Variants in ASB8 observed in about 807,000 individuals in gnomAD.
ASB8 encodes ankyrin repeat and SOCS box containing 8.
Under a neutral mutation model 22.9 loss-of-function variants are expected in ASB8, and 15 were observed. The observed-to-expected ratio is 0.66, with a 90% confidence interval of 0.44 to 1.01. The LOEUF (loss-of-function observed/expected upper bound fraction) is 1.01, where lower values mean the gene tolerates loss of function less well. Among genes scored for constraint, ASB8 ranks in the 50% least tolerant of loss-of-function variants. The probability of loss-of-function intolerance (pLI) is 0.00; values close to 1 mark genes in which losing one functional copy is unlikely to be tolerated. For missense variants in ASB8, 294 were observed against 356.9 expected (o/e 0.82, Z 1.42); for synonymous variants, 124 against 140.8 (o/e 0.88, Z 0.84).
Position 48,153,395 on chromosome 12 carries a change from A to G in ASB8, c.102T>C (p.His34=). 6 of 1,614,014 alleles carry G rather than the reference A, an allele frequency of 3.7e-6. No homozygotes were observed. The highest frequency in any genetic ancestry group is 5.1e-6 in the Non-Finnish European group (6 of 1,179,894). ...RTIAAIRSFP[H]DNVEDLIRGG... ...CTCTGATGAGGTCCTCTACATTATC[A>G]TGTGGGAAGGAACGGATGGCAGCAA... The change falls in exon 2 of 4, where the codon CAT becomes CAC. Residue 34 remains histidine, a synonymous_variant. Coordinates refer to ENST00000317697, the MANE Select transcript of ASB8 (RefSeq NM_024095.5).
chr12:48,150,037 T>C (rs759065850), intron 3 of ASB8, 39 bp from the exon 4 acceptor site: 9 of 1,586,546 alleles, frequency 5.7e-6, no homozygotes, highest in Admixed American at 1.7e-5. Flanking sequence ...GACAGACTAC[T>C]GAGAGGAAGA....
rs780385354 is a variant in ASB8 at position 48,149,515 on chromosome 12, G to GT, written c.717dup (p.Leu240ThrfsTer22). 6.2e-7 allele frequency: 1 copy of GT among 1,614,104 alleles called. No individual in the cohort carries two copies. The highest frequency in any genetic ancestry group is 1.3e-5 in the African/African-American group (1 of 74,932). On this transcript the variant is annotated frameshift_variant, in exon 4 of 4. Transcript: ENST00000317697. LOFTEE classifies it high-confidence loss of function. ...CCTGGAGCTGAGCACAGAACAGTCA[G>GT]TTTTTCACATAGCTGCGGGTCTCTG...
At position 48,149,664 on chromosome 12, in the gene ASB8, C is replaced by A. The variant is rs140837255; in HGVS notation, c.569G>T (p.Arg190Leu). 1.2e-6 allele frequency: 2 copies of A among 1,614,100 alleles called. No individual in the cohort carries two copies. The highest frequency in any genetic ancestry group is 2.7e-5 in the African/African-American group (2 of 75,038). The part of the protein sequence containing the change: ...INLIGQTPIS[R>L]LVALLVRGLG... ...TCCCCTGACTAGCAGAGCCACCAGG[C>A]GGGAGATGGGTGTCTGGCCTATTAG... The change falls in exon 4 of 4, where the codon CGC (arginine) becomes CTC (leucine). Residue 190 changes from arginine to leucine, a missense_variant. Coordinates refer to ENST00000317697, the MANE Select transcript of ASB8 (RefSeq NM_024095.5).
In ASB8 at chr12:48,153,440, GGA is replaced by G; in HGVS notation, c.55_56del (p.Ser19ArgfsTer16). Reference protein sequence around the residue: ...MQSIQSKYSLSERLIRTIAAI... With the variant: ...MQSIQSKYSLXERLIRTIAAI... ...CAGCAATTGTTCGGATTAAGCGCTC[GGA>G]GAGAGAGTATTTGCTCTGAATGCTC... On this transcript the variant is annotated frameshift_variant, in exon 2 of 4. Transcript: ENST00000317697. LOFTEE classifies it high-confidence loss of function. 6.2e-7 allele frequency: 1 copy of G among 1,613,532 alleles called. No individual in the cohort carries two copies. The highest frequency in any genetic ancestry group is 1.7e-5 in the Admixed American group (1 of 60,028).
rs138484381 is a variant in ASB8, at chr12:48,148,226, C to A, written c.*1140G>T. 2.0e-5 allele frequency: 3 copies of A among 152,340 alleles called. No individual in the cohort carries two copies. In the East Asian group the frequency reaches 5.8e-4, roughly 29 times the overall value. The allele number at this position is 152,340 out of a possible 1,614,324, so 9.4% of individuals were successfully genotyped here. ...ATGAAGACCCATGGGAAAAGGCAGC[C>A]CAGCCCATAACTCCTCCCTGCTGGA... On this transcript the variant is annotated 3_prime_UTR_variant, in exon 4 of 4. Coordinates refer to ENST00000317697, the MANE Select transcript of ASB8 (RefSeq NM_024095.5).
chr12:48,153,341 C>A (rs901720108), intron 2 of ASB8, 27 bp downstream of exon 2: 1 of 1,612,514 alleles, frequency 6.2e-7, no homozygotes, highest in African/African-American at 1.3e-5. Flanking sequence ...ATCGCAAGGA[C>A]TCTCCTGTCA....
intron 1 of ASB8, chr12:48,153,730 A>C (rs1951241166): frequency 3.0e-6 from 1 of 336,954 alleles, no homozygotes; most frequent in Non-Finnish European, 5.5e-6. Context: ...ACTCTAACCT[A>C]GTCTAGCACG....
intron 1 of ASB8, among the ~76,000 whole-genome samples, chr12:48,155,780 ATT>A (rs537950041): frequency 8.5e-6 from 1 of 117,984 alleles, no homozygotes. Context: ...CTTTTGCTTT[ATT>A]TTTTTTTTTT....
At chr12:48,155,076 A>G (rs2136082283) in intron 1 of ASB8, among the ~76,000 whole-genome samples, 1 of 152,372 alleles carries the variant, frequency 6.6e-6, no homozygotes, top group East Asian at 1.9e-4. Flanking sequence ...AATGCAATAT[A>G]CTTCAATTCA....
chr12:48,154,944 AAAAT>A (rs1292823828), intron 1 of ASB8, among the ~76,000 whole-genome samples: 8 of 152,372 alleles, frequency 5.3e-5, no homozygotes, highest in East Asian at 3.9e-4. Context: ...CCATCTCAAA[AAAAT>A]AAATAAAATG....
rs539707420 is a variant in ASB8 at position 48,154,181 on chromosome 12, GA to G, written c.-33-653del. On this transcript the variant is annotated intron_variant, in intron 1 of 3. Transcript: ENST00000317697. ...ACATTTTCAAATGTGTTCAGAAGAG[GA>G]AAAAAAGGAAATATTTGGCAGGGCG... 4.6e-5 allele frequency among the ~76,000 whole-genome samples: 7 copies of G among 152,080 alleles called. No homozygotes were observed. The East Asian group carries it at 1.2e-3, about 25-fold the overall frequency.
At chr12:48,150,900 A>G in intron 3 of ASB8, 1 of 522,038 alleles carries the variant, frequency 1.9e-6, no homozygotes, top group Non-Finnish European at 3.4e-6. Context: ...CTACAAGGTA[A>G]GCTTCCTGAA....
chr12:48,155,748 T>A (rs1233297967), intron 1 of ASB8, among the ~76,000 whole-genome samples: 48 of 137,554 alleles, frequency 3.5e-4, no homozygotes, highest in Non-Finnish European at 6.4e-4. Context: ...AAAAAATATA[T>A]ATATATATAT....
In ASB8 at chr12:48,149,343, G is replaced by A. The variant is rs750471389; in HGVS notation, c.*23C>T. The A allele has an allele frequency of 1.1e-4, 170 of 1,602,530 alleles. No homozygotes were observed. The highest frequency in any genetic ancestry group is 1.4e-4 in the Non-Finnish European group (162 of 1,172,302). On this transcript the variant is annotated 3_prime_UTR_variant, in exon 4 of 4. Transcript: ENST00000317697. Reference sequence around the variant, plus strand: ...CAACCTCACCCAGAGCTGCCTGCACGATGGTGCAAACATCTTCTCCGGCTA... The same window carrying A: ...CAACCTCACCCAGAGCTGCCTGCACAATGGTGCAAACATCTTCTCCGGCTA...
At chr12:48,156,185 TAAAA>T (rs1951301261) in intron 1 of ASB8, among the ~76,000 whole-genome samples, 1 of 152,180 alleles carries the variant, frequency 6.6e-6, no homozygotes, top group South Asian at 2.1e-4. Flanking sequence ...TAAATTCCAT[TAAAA>T]GAATGCAAGT....
At chr12:48,153,136 GTTA>G (rs1447166942) in intron 2 of ASB8, 1 of 481,126 alleles carries the variant, frequency 2.1e-6, no homozygotes, top group Non-Finnish European at 3.8e-6. Context: ...TGAGACTAGG[GTTA>G]TTGAGAACAT....
intron 3 of ASB8, among the ~76,000 whole-genome samples, chr12:48,150,339 C>T (rs1325884618): frequency 6.6e-6 from 1 of 152,190 alleles, no homozygotes; most frequent in Non-Finnish European, 1.5e-5. Context: ...GTCTAAGTCC[C>T]CGTAACTGCT....
chr12:48,150,090 T>A (rs1165514416), intron 3 of ASB8, 92 bp from the exon 4 acceptor site: 5 of 1,373,416 alleles, frequency 3.6e-6, no homozygotes, highest in Non-Finnish European at 5.2e-6. Context: ...CCACTACCTT[T>A]GCTATGCAGT....
At chr12:48,154,672 T>TCACA (rs1436293911) in intron 1 of ASB8, among the ~76,000 whole-genome samples, 2 of 152,118 alleles carry the variant, frequency 1.3e-5, no homozygotes, top group African/African-American at 4.8e-5. Context: ...GCGTGGTGGC[T>TCACA]CACACCTGTA....
Sources: gnomAD v4.1 joint callset for allele counts (sites outside exome capture counted in the v4.1 genomes callset) on GRCh38, gnomAD v4.1.1 for gene constraint, MANE v1.5 for transcripts, NCBI Gene and HGNC (gene_info 2026-07-23, HGNC 2026-07-21) for gene names.